TNKS: variants seen among roughly 807,000 people sequenced by gnomAD.
TNKS encodes poly [ADP-ribose] polymerase tankyrase-1.
A neutral mutation model predicts 135.8 loss-of-function variants in TNKS; 72 were observed. The ratio of observed to expected loss-of-function variants is 0.53; its 90% confidence interval spans 0.44 to 0.64. The LOEUF is 0.64. TNKS is among the 30% of genes least tolerant of loss of function. The pLI is 0.00. For synonymous variants in TNKS, 849 were observed against 649.3 expected (o/e 1.31, Z -4.68); for missense variants, 1,769 against 1,674.0 (o/e 1.06, Z -0.99).
At chr8:9,698,793 C>T (rs1585343305) in intron 5 of TNKS, among the ~76,000 whole-genome samples, 1 of 152,166 alleles carries the variant, frequency 6.6e-6, no homozygotes, top group Admixed American at 6.5e-5. Context: ...TTATACTGCA[C>T]CGCAAATCTA....
rs370585551 is a variant in TNKS at position 9,646,143 on chromosome 8, T to C, written c.994+30466T>C. 8.8e-4 allele frequency among the ~76,000 whole-genome samples: 134 copies of C among 152,310 alleles called. No individual in the cohort carries two copies. The South Asian group carries it at 0.027, about 31-fold the overall frequency. On this transcript the variant is annotated intron_variant, in intron 3 of 26. Coordinates refer to ENST00000310430, the MANE Select transcript of TNKS (RefSeq NM_003747.3). ...CTTACTTGTATATTGCAAACATTTATTGCTTGCTTGCTTACTTACATTGCT... is the reference window on the plus strand; with the variant it reads ...CTTACTTGTATATTGCAAACATTTACTGCTTGCTTGCTTACTTACATTGCT...
chr8:9,638,586 G>A (rs1213685990), intron 3 of TNKS, among the ~76,000 whole-genome samples: 2 of 152,174 alleles, frequency 1.3e-5, no homozygotes, highest in Admixed American at 1.3e-4. Context: ...AAGAGAATAG[G>A]AGAAATTATT....
At chr8:9,570,918 C>G (rs2129051406) in intron 1 of TNKS, among the ~76,000 whole-genome samples, 1 of 152,200 alleles carries the variant, frequency 6.6e-6, no homozygotes, top group Non-Finnish European at 1.5e-5. Flanking sequence ...GCAGTGAGCT[C>G]TGATCATGCC....
chr8:9,622,645 A>G (rs1256657303), intron 3 of TNKS, among the ~76,000 whole-genome samples: 7 of 152,214 alleles, frequency 4.6e-5, no homozygotes, highest in Admixed American at 6.5e-5. Flanking sequence ...CAAAAATAAA[A>G]TTAGAGTGGC....
At chr8:9,724,602 G>A (rs1465078495) in intron 12 of TNKS, among the ~76,000 whole-genome samples, 1 of 152,058 alleles carries the variant, frequency 6.6e-6, no homozygotes. Flanking sequence ...TTCCTGGGCT[G>A]TATGTAAGTC....
intron 26 of TNKS, among the ~76,000 whole-genome samples, 183 bp from the exon 27 acceptor site, chr8:9,776,467 G>A (rs1370439048): frequency 6.6e-6 from 1 of 152,058 alleles, no homozygotes; most frequent in Non-Finnish European, 1.5e-5. Context: ...TAGATTGTAG[G>A]GTTTATACAC....
chr8:9,716,571 G>GT (rs1804609997), intron 11 of TNKS, among the ~76,000 whole-genome samples: 3 of 152,108 alleles, frequency 2.0e-5, no homozygotes, highest in Admixed American at 2.0e-4. Context: ...AGAAATATGT[G>GT]TAAGAATTGT....
chr8:9,680,999 G>A, intron 5 of TNKS, 199 bp downstream of exon 5: 1 of 415,960 alleles, frequency 2.4e-6, no homozygotes, highest in East Asian at 3.6e-5. Context: ...TCTTAAGTAA[G>A]CCTTTTCTCT....
rs552051301 is a variant in TNKS at position 9,598,877 on chromosome 8, TC to T, written c.899-16703del. ...GAAATTTATCTGGAATGCTAGTAAG[TC>T]CGTGAGGCCTTGAGAGAGAGGAAGT... On this transcript the variant is annotated intron_variant, in intron 2 of 26. Transcript: ENST00000310430. 8.0e-3 allele frequency among the ~76,000 whole-genome samples: 1,167 copies of T among 145,258 alleles called. 28 individuals carry two copies. The highest frequency in any genetic ancestry group is 9.8e-3 in the South Asian group (44 of 4,478).
At chr8:9,701,375 A>G (rs1156408582) in intron 5 of TNKS, among the ~76,000 whole-genome samples, 1 of 152,234 alleles carries the variant, frequency 6.6e-6, no homozygotes, top group Non-Finnish European at 1.5e-5. Context: ...ACGAAAATGG[A>G]GCATCTTTTT....
In TNKS at chr8:9,713,765, C is replaced by A. The variant is rs551885465; in HGVS notation, c.1749+3545C>A. 7.9e-5 allele frequency among the ~76,000 whole-genome samples: 12 copies of A among 152,316 alleles called. No homozygotes were observed. In the South Asian group the frequency reaches 8.3e-4, roughly 11 times the overall value. ...CATCCCAAGGCAGGATGCTGTTCCT[C>A]ATGGTTGGTGTATCTGGTGATTAAT... On this transcript the variant is annotated intron_variant, in intron 11 of 26. Transcript: ENST00000310430.
chr8:9,568,901 G>T (rs1797653296), intron 1 of TNKS, among the ~76,000 whole-genome samples: 1 of 152,132 alleles, frequency 6.6e-6, no homozygotes. Context: ...TTATACTTCT[G>T]CTGTGTTAGA....
intron 5 of TNKS, among the ~76,000 whole-genome samples, chr8:9,696,892 G>A (rs549488756): frequency 1.1e-3 from 165 of 152,186 alleles, no homozygotes; most frequent in Non-Finnish European, 1.3e-3. Context: ...CAGTTTACAG[G>A]TTCAGTGCTA....
chr8:9,563,824 C>T (rs1461134046), intron 1 of TNKS, among the ~76,000 whole-genome samples: 1 of 152,020 alleles, frequency 6.6e-6, no homozygotes, highest in African/African-American at 2.4e-5. Context: ...GGATGTTATT[C>T]TCCAAATTCT....
In TNKS at chr8:9,769,258, T is replaced by A. The variant is rs139384434; in HGVS notation, c.3741-848T>A. Among the ~76,000 whole-genome samples the A allele has an allele frequency of 1.8e-3, 269 of 152,354 alleles. 3 individuals are homozygous for A. Among genetic ancestry groups the A allele is most frequent in the African/African-American group, 6.0e-3 (250 of 41,584 alleles). On this transcript the variant is annotated intron_variant, in intron 25 of 26. Coordinates refer to ENST00000310430, the MANE Select transcript of TNKS (RefSeq NM_003747.3). ...CCAGATTGCAGGCTGGATTGAGCCA[T>A]GGGCTATAGCTTGCTAACCCCTGGT...
chr8:9,585,743 T>C (rs2129054508), intron 2 of TNKS, among the ~76,000 whole-genome samples: 1 of 152,358 alleles, frequency 6.6e-6, no homozygotes, highest in Middle Eastern at 3.4e-3. Context: ...TCTTTCTCTA[T>C]ACTTTCAAAC....
Position 9,555,935 on chromosome 8 carries a change from C to G in TNKS, c.-5C>G, listed in dbSNP as rs758657116. The stretch of plus-strand genomic sequence containing the variant: ...CCGCAGTGACAGTGCTAGGGGAGTC[C>G]GAAGATGGCGGCGTCGCGTCGCTCT... On this transcript the variant is annotated 5_prime_UTR_variant, in exon 1 of 27. Transcript: ENST00000310430. The G allele has an allele frequency of 8.7e-6, 14 of 1,607,196 alleles. No individual in the cohort carries two copies. The Admixed American group carries it at 1.2e-4, about 14-fold the overall frequency.
At chr8:9,770,302 C>G (rs1459434134) in intron 26 of TNKS, 40 bp downstream of exon 26, 3 of 1,581,468 alleles carry the variant, frequency 1.9e-6, no homozygotes, top group Non-Finnish European at 1.7e-6. Context: ...AGTTCACAAA[C>G]ATGTCAATAG....
chr8:9,723,102 G>C (rs1482493325), intron 12 of TNKS, among the ~76,000 whole-genome samples: 2 of 149,376 alleles, frequency 1.3e-5, no homozygotes, highest in African/African-American at 2.4e-5. Flanking sequence ...TATTGATCTG[G>C]AAAGCTAATA....
Sources: allele counts gnomAD v4.1 joint callset (sites outside exome capture counted in the v4.1 genomes callset), GRCh38; gene constraint gnomAD v4.1.1; transcripts MANE v1.5; gene names NCBI Gene and HGNC (gene_info 2026-07-23, HGNC 2026-07-21).